Variants in ATF2 observed in about 807,000 individuals in gnomAD.
ATF2 encodes the protein cyclic AMP-dependent transcription factor ATF-2.
A neutral mutation model predicts 60.6 loss-of-function variants in ATF2; 24 were observed. The ratio of observed to expected loss-of-function variants is 0.40; its 90% confidence interval spans 0.29 to 0.56. ATF2 has a LOEUF of 0.56. Ranked by LOEUF, ATF2 falls within the 20% of genes least tolerant of loss-of-function variation. ATF2 has a pLI of 0.54. For missense variants in ATF2, 433 were observed against 607.7 expected (o/e 0.71, Z 3.02); for synonymous variants, 206 against 215.4 (o/e 0.96, Z 0.38).
At chr2:175,143,539 G>A (rs533988223) in intron 2 of ATF2, among the ~76,000 whole-genome samples, 1 of 152,090 alleles carries the variant, frequency 6.6e-6, no homozygotes, top group South Asian at 2.1e-4. Flanking sequence ...CAAAGTAAAG[G>A]CATATTTTAA....
intron 3 of ATF2, among the ~76,000 whole-genome samples, chr2:175,136,035 G>T (rs79681882): frequency 3.1e-5 from 4 of 128,160 alleles, no homozygotes. Context: ...TTTTTTTTTG[G>T]CAGGACTCTT....
intron 12 of ATF2, among the ~76,000 whole-genome samples, chr2:175,092,805 A>C (rs16863030): frequency 0.069 from 10,450 of 152,268 alleles, 361 homozygotes; most frequent in East Asian, 0.12. Flanking sequence ...TATAAAGTTC[A>C]AACCGGATAG....
intron 12 of ATF2, among the ~76,000 whole-genome samples, chr2:175,088,404 G>T (rs924391933): frequency 2.0e-5 from 3 of 152,006 alleles, no homozygotes; most frequent in African/African-American, 7.2e-5. Flanking sequence ...AGAAATAAAA[G>T]ATTTAATCTC....
chr2:175,158,710 C>T (rs777855246), intron 1 of ATF2, among the ~76,000 whole-genome samples: 2 of 151,936 alleles, frequency 1.3e-5, no homozygotes, highest in Non-Finnish European at 2.9e-5. Flanking sequence ...GTATTAGCCT[C>T]CCAAAGTGCT....
intron 1 of ATF2, chr2:175,167,664 C>G: frequency 2.0e-6 from 1 of 506,590 alleles, no homozygotes; most frequent in South Asian, 1.5e-5. Context: ...CCTGCGCACA[C>G]GGCTGACTCG....
rs569553900 is a variant in ATF2 at position 175,122,385 on chromosome 2, A to G, written c.103-845T>C. 8.0e-4 allele frequency among the ~76,000 whole-genome samples: 121 copies of G among 152,084 alleles called. No homozygotes were observed. The South Asian group carries it at 0.022, about 28-fold the overall frequency. On this transcript the variant is annotated intron_variant, in intron 4 of 13. Transcript: ENST00000264110. Reference sequence around the variant, plus strand: ...AGGGAGCTGTTATTTCAGAGCAATAATTTTAAAATGCTAAGTTAACAGATC... The same window carrying G: ...AGGGAGCTGTTATTTCAGAGCAATAGTTTTAAAATGCTAAGTTAACAGATC...
rs956936608 is a variant in ATF2 at position 175,168,087 on chromosome 2, C to T, written c.-180G>A. On this transcript the variant is annotated 5_prime_UTR_variant, in exon 1 of 14. Transcript: ENST00000264110. ...CTAGTTCATGATCCTTTCGGTCACC[C>T]GCGAGCCCTGAGCACAGCCGTGTTT... 1 of 185,422 alleles carries T rather than the reference C, an allele frequency of 5.4e-6. No individual in the cohort carries two copies. Among genetic ancestry groups the T allele is most frequent in the Non-Finnish European group, 1.2e-5 (1 of 84,392 alleles). The allele number at this position is 185,422 out of a possible 1,614,324, so 11.5% of individuals were successfully genotyped here. A position where few individuals can be genotyped will look rare whatever the true frequency, so the allele number is the denominator to read the frequency against.
intron 13 of ATF2, among the ~76,000 whole-genome samples, chr2:175,077,471 C>CT (rs1693418056): frequency 6.6e-6 from 1 of 152,124 alleles, no homozygotes; most frequent in South Asian, 2.1e-4. Flanking sequence ...TGTTTCCTGA[C>CT]TTTTTAATGA....
intron 10 of ATF2, among the ~76,000 whole-genome samples, chr2:175,108,337 G>A (rs1296982912): frequency 2.0e-5 from 3 of 150,352 alleles, no homozygotes; most frequent in African/African-American, 4.9e-5. Flanking sequence ...GTCAACCCCC[G>A]CCCGGCCAGC....
intron 1 of ATF2, among the ~76,000 whole-genome samples, chr2:175,167,280 A>G (rs1700418161): frequency 6.6e-6 from 1 of 152,034 alleles, no homozygotes; most frequent in South Asian, 2.1e-4. Context: ...ATGAAAAGCA[A>G]ATTATTTCTT....
At chr2:175,114,898 C>T in intron 7 of ATF2, 30 bp from the exon 8 acceptor site, 3 of 1,596,540 alleles carry the variant, frequency 1.9e-6, no homozygotes, top group Non-Finnish European at 2.6e-6. Context: ...AAAAGGGTGG[C>T]ATTTAAAAAT....
At chr2:175,087,191 G>T (rs1430021466) in intron 12 of ATF2, among the ~76,000 whole-genome samples, 1 of 152,128 alleles carries the variant, frequency 6.6e-6, no homozygotes, top group East Asian at 1.9e-4. Flanking sequence ...ATACTTGCAG[G>T]ATATGTTAGT....
At chr2:175,080,306 C>T (rs780377900) in intron 13 of ATF2, 11 of 158,270 alleles carry the variant, frequency 7.0e-5, no homozygotes, top group Non-Finnish European at 1.1e-4. Context: ...CATTAATGAA[C>T]GGAGGCTGGG....
At chr2:175,097,422 A>C (rs1695004488) in intron 11 of ATF2, 22 bp downstream of exon 11, 2 of 1,612,124 alleles carry the variant, frequency 1.2e-6, no homozygotes, top group Non-Finnish European at 1.7e-6. Context: ...AGAGTGCTGA[A>C]TAATAAAAAC....
chr2:175,133,913 T>C (rs1427773983), intron 3 of ATF2, among the ~76,000 whole-genome samples: 2 of 152,194 alleles, frequency 1.3e-5, no homozygotes, highest in Non-Finnish European at 2.9e-5. Flanking sequence ...CAAACAGTTA[T>C]TTAACCTAAT....
intron 10 of ATF2, among the ~76,000 whole-genome samples, chr2:175,108,750 G>A (rs895115578): frequency 3.3e-5 from 5 of 151,918 alleles, no homozygotes; most frequent in Non-Finnish European, 4.4e-5. Flanking sequence ...GAAAGGTGGG[G>A]AAAAGATAGA....
chr2:175,106,771 G>A (rs536579142), intron 10 of ATF2, among the ~76,000 whole-genome samples: 1 of 152,326 alleles, frequency 6.6e-6, no homozygotes, highest in South Asian at 2.1e-4. Flanking sequence ...TGGAGGCAGA[G>A]GTTGCAGTGA....
intron 1 of ATF2, among the ~76,000 whole-genome samples, chr2:175,162,013 G>C (rs947750595): frequency 1.3e-5 from 2 of 152,122 alleles, no homozygotes; most frequent in African/African-American, 2.4e-5. Flanking sequence ...CACCTGCCTA[G>C]GCCTCCCAAA....
chr2:175,139,180 T>A (rs963985521), intron 2 of ATF2, among the ~76,000 whole-genome samples: 3 of 152,248 alleles, frequency 2.0e-5, no homozygotes, highest in Non-Finnish European at 4.4e-5. Context: ...TTCATCGTTG[T>A]ATCTGCACAG....
Sources: gnomAD v4.1 joint callset for allele counts (sites outside exome capture counted in the v4.1 genomes callset) on GRCh38, gnomAD v4.1.1 for gene constraint, MANE v1.5 for transcripts, NCBI Gene and HGNC (gene_info 2026-07-23, HGNC 2026-07-21) for gene names.